The following MTHFS variants were observed in gnomAD, a reference collection of about 807,000 sequenced individuals.
The protein encoded by MTHFS is 5-formyltetrahydrofolate cyclo-ligase.
A neutral mutation model predicts 12.7 loss-of-function variants in MTHFS; 7 were observed. That is an observed-to-expected ratio of 0.55 (90% CI 0.31 to 1.03). The LOEUF is 1.03. Among genes scored for constraint, MTHFS ranks in the 50% least tolerant of loss-of-function variants. The pLI, the probability that MTHFS is intolerant of heterozygous loss-of-function variation, is 0.05. For synonymous variants in MTHFS, 100 were observed against 97.1 expected (o/e 1.03, Z -0.18); for missense variants, 252 against 258.1 (o/e 0.98, Z 0.16).
At chr15:79,867,519 G>A (rs2034033445) in intron 2 of MTHFS, among the ~76,000 whole-genome samples, 1 of 150,788 alleles carries the variant, frequency 6.6e-6, no homozygotes. Context: ...TTATTCTCTT[G>A]TAGCTTGTTA....
intron 2 of MTHFS, among the ~76,000 whole-genome samples, chr15:79,872,622 G>C (rs903599938): frequency 6.6e-5 from 10 of 152,232 alleles, no homozygotes; most frequent in African/African-American, 2.4e-4. Flanking sequence ...TAAGGGGCAG[G>C]TCAATGCAAA....
chr15:79,875,262 C>A lies in MTHFS; in HGVS notation c.379+13831G>T, dbSNP rs59574822. Among the ~76,000 whole-genome samples, 2,915 of 146,476 alleles carry A rather than the reference C, an allele frequency of 0.02. 182 individuals are homozygous for A. In the East Asian group the frequency reaches 0.22, roughly 11 times the overall value. On this transcript the variant is annotated intron_variant, in intron 2 of 2. Coordinates refer to ENST00000258874, the MANE Select transcript of MTHFS (RefSeq NM_006441.4). ...TCCGTTCAGGGTCCCTGACTTCCCG[C>A]AACAAAAGCGACAAAAAAAAAAAAA...
At chr15:79,873,716 C>T (rs758618162) in intron 2 of MTHFS, among the ~76,000 whole-genome samples, 2 of 152,134 alleles carry the variant, frequency 1.3e-5, no homozygotes, top group African/African-American at 2.4e-5. Context: ...GGCAGTTTTA[C>T]CAATATGGGG....
intron 2 of MTHFS, among the ~76,000 whole-genome samples, chr15:79,875,583 C>T (rs1199953758): frequency 1.3e-5 from 2 of 152,218 alleles, no homozygotes; most frequent in Non-Finnish European, 2.9e-5. Flanking sequence ...ACTCAAAATA[C>T]ATCAAAGACC....
At chr15:79,863,492 G>A (rs1019849854) in intron 2 of MTHFS, among the ~76,000 whole-genome samples, 6 of 152,176 alleles carry the variant, frequency 3.9e-5, no homozygotes, top group Non-Finnish European at 8.8e-5. Context: ...AACCTGCCTT[G>A]AGCTGAATGC....
intron 2 of MTHFS, among the ~76,000 whole-genome samples, chr15:79,888,569 G>A (rs970902853): frequency 6.6e-6 from 1 of 152,214 alleles, no homozygotes; most frequent in African/African-American, 2.4e-5. Flanking sequence ...CAGTGGGTTG[G>A]AGAGAAATGG....
chr15:79,876,981 T>C lies in MTHFS; in HGVS notation c.379+12112A>G, dbSNP rs895622306. ...TCACTTGAACCCAGGGACCAGAGGT[T>C]GCAGTGAGCTGAGATTGCACCATTG... is the stretch of plus-strand genomic sequence containing the variant. On this transcript the variant is annotated intron_variant, in intron 2 of 2. Coordinates refer to ENST00000258874, the MANE Select transcript of MTHFS (RefSeq NM_006441.4). The C allele has an allele frequency of 7.9e-5, 12 of 152,080 alleles. No homozygotes were observed. The East Asian group carries it at 2.3e-3, about 29-fold the overall frequency. The allele number at this position is 152,080 out of a possible 1,614,324, so 9.4% of individuals were successfully genotyped here.
chr15:79,864,299 C>T (rs958333007), intron 2 of MTHFS, among the ~76,000 whole-genome samples: 7 of 152,100 alleles, frequency 4.6e-5, no homozygotes, highest in Admixed American at 2.6e-4. Context: ...AATCCCAGCA[C>T]TCTGGGAGGC....
At chr15:79,852,955 G>A (rs1036004858) in intron 2 of MTHFS, among the ~76,000 whole-genome samples, 3 of 152,232 alleles carry the variant, frequency 2.0e-5, no homozygotes, top group Non-Finnish European at 2.9e-5. Context: ...TAAGAAATGT[G>A]GATAATATTT....
intron 1 of MTHFS, among the ~76,000 whole-genome samples, chr15:79,894,842 C>T (rs1043225789): frequency 6.6e-6 from 1 of 152,158 alleles, no homozygotes. Context: ...TAACAGTCTC[C>T]CATTTGCCTC....
intron 2 of MTHFS, among the ~76,000 whole-genome samples, chr15:79,850,892 G>A (rs1487628130): frequency 3.3e-5 from 5 of 152,140 alleles, no homozygotes; most frequent in Non-Finnish European, 5.9e-5. Context: ...TCAGTTCACC[G>A]TACAAAACAT....
At chr15:79,880,644 A>G (rs1040484383) in intron 2 of MTHFS, among the ~76,000 whole-genome samples, 8 of 152,110 alleles carry the variant, frequency 5.3e-5, no homozygotes, top group Non-Finnish European at 1.0e-4. Context: ...GACTATTTAT[A>G]TGTTTCTCTA....
chr15:79,861,255 C>G (rs2033908327), intron 2 of MTHFS, among the ~76,000 whole-genome samples: 3 of 152,168 alleles, frequency 2.0e-5, no homozygotes, highest in South Asian at 4.1e-4. Flanking sequence ...CTAGACTCAA[C>G]TCCACCTAAG....
At chr15:79,848,580 CA>C (rs1259975521) in intron 2 of MTHFS, among the ~76,000 whole-genome samples, 1 of 152,098 alleles carries the variant, frequency 6.6e-6, no homozygotes, top group Non-Finnish European at 1.5e-5. Context: ...CCACCAGATA[CA>C]ATACACAAGA....
chr15:79,858,298 G>A (rs1003797609), intron 2 of MTHFS, among the ~76,000 whole-genome samples: 1 of 152,192 alleles, frequency 6.6e-6, no homozygotes, highest in African/African-American at 2.4e-5. Flanking sequence ...GTAGAATAAT[G>A]TAAGTTCCAA....
intron 2 of MTHFS, among the ~76,000 whole-genome samples, chr15:79,857,844 C>T (rs1170494263): frequency 4.0e-5 from 6 of 151,806 alleles, no homozygotes; most frequent in South Asian, 4.2e-4. Context: ...GTGAAACCCC[C>T]GTCTCTACTA....
In MTHFS at chr15:79,896,891, G is replaced by T. The variant is rs1370607990; in HGVS notation, c.98C>A (p.Ser33Tyr). Reference protein sequence around the residue: ...AMSAEERLRQSRVLSQKVIAH... With the variant: ...AMSAEERLRQYRVLSQKVIAH... ...TCGCACCTTCTGGCTCAGTACGCGG[G>T]ACTGGCGTAGCCGCTCCTCGGCACT... The change falls in exon 1 of 3, where the codon TCC becomes TAC. Residue 33 changes from serine to tyrosine, a missense_variant. By Grantham distance (144) the Ser-to-Tyr change is moderately radical (BLOSUM62 -2). Transcript: ENST00000258874. The T allele has an allele frequency of 3.2e-6, 5 of 1,542,990 alleles. No individual in the cohort carries two copies. Among genetic ancestry groups the T allele is most frequent in the Non-Finnish European group, 4.4e-6 (5 of 1,146,310 alleles).
intron 2 of MTHFS, among the ~76,000 whole-genome samples, chr15:79,871,251 TA>T (rs1261187987): frequency 6.6e-6 from 1 of 152,198 alleles, no homozygotes; most frequent in Non-Finnish European, 1.5e-5. Flanking sequence ...AAAAATATTT[TA>T]ATGTAACCAA....
chr15:79,892,584 T>A (rs2034492489), intron 1 of MTHFS, among the ~76,000 whole-genome samples: 1 of 152,196 alleles, frequency 6.6e-6, no homozygotes, highest in African/African-American at 2.4e-5. Context: ...GCTACACATA[T>A]CTAGTGACAT....
Sources: allele counts gnomAD v4.1 joint callset (sites outside exome capture counted in the v4.1 genomes callset), GRCh38; gene constraint gnomAD v4.1.1; transcripts MANE v1.5; gene names NCBI Gene and HGNC (gene_info 2026-07-23, HGNC 2026-07-21).